ZBTB21: variants seen among roughly 807,000 people sequenced by gnomAD.
ZBTB21 encodes the protein zinc finger and BTB domain-containing protein 21.
In ZBTB21, 10 loss-of-function variants were observed where a neutral mutation model predicts 39.8. The ratio of observed to expected loss-of-function variants is 0.25; its 90% CI spans 0.16 to 0.43. The LOEUF (loss-of-function observed/expected upper bound fraction) is 0.43, where lower values mean the gene tolerates loss of function less well. ZBTB21 is among the 20% of genes least tolerant of loss of function. The pLI is 1.00. For missense variants in ZBTB21, 1,221 were observed against 1,296.3 expected (o/e 0.94, Z 0.89); for synonymous variants, 551 against 498.8 (o/e 1.10, Z -1.40).
rs920554378 is a variant in ZBTB21, at chr21:41,991,989, C to T, written c.2107G>A (p.Val703Ile). 2 of 1,614,164 alleles carry T rather than the reference C, an allele frequency of 1.2e-6. No individual in the cohort carries two copies. The highest frequency in any genetic ancestry group is 2.2e-5 in the South Asian group (2 of 91,080). The part of the protein sequence containing the change: ...PGEKPLGVNK[V>I]AKPKEHAPLA... ...GGAGCATGCTCTTTTGGTTTAGCAA[C>T]TTTATTTACTCCAAGGGGTTTTTCT... is the stretch of plus-strand genomic sequence containing the variant. The change falls in exon 3 of 3, where the codon GTT becomes ATT. Residue 703 changes from valine (V) to isoleucine (I), a missense_variant. Transcript: ENST00000310826. The surrounding 1 kb of genome is among the most constrained non-coding windows in gnomAD (Gnocchi z 4.9).
In ZBTB21 at chr21:41,994,045, T is replaced by C. The variant is rs751253846; in HGVS notation, c.51A>G (p.Leu17=). The C allele has an allele frequency of 1.9e-6, 3 of 1,613,830 alleles. No individual in the cohort carries two copies. In the Admixed American group the frequency reaches 5.0e-5, roughly 27 times the overall value. The part of the protein sequence containing the change: ...YINPAHAISL[L]SALNEERLKG... ...TGAGACGCTCCTCATTCAGGGCACTTAGGAGAGAAATGGCGTGTGCAGGGT... is the reference window on the plus strand; with the variant it reads ...TGAGACGCTCCTCATTCAGGGCACTCAGGAGAGAAATGGCGTGTGCAGGGT... The change falls in exon 3 of 3, where the codon CTA becomes CTG. Residue 17 remains leucine (L), a synonymous_variant. Coordinates refer to ENST00000310826, the MANE Select transcript of ZBTB21 (RefSeq NM_001098402.2).
At position 41,993,362 on chromosome 21, in the gene ZBTB21, G is replaced by C. The variant is rs1569106160; in HGVS notation, c.734C>G (p.Pro245Arg). Reference sequence around the variant, plus strand: ...ATCCATAGCTTCTCTGTCTTGCAGAGGCTTTGAAGGCAACACTGCATTTCT... The same window carrying C: ...ATCCATAGCTTCTCTGTCTTGCAGACGCTTTGAAGGCAACACTGCATTTCT... ...VKRNAVLPSK[P>R]LQDREAMDDK... The change falls in exon 3 of 3, where the codon CCT becomes CGT. Residue 245 changes from proline to arginine, a missense_variant. By Grantham distance (103) the Pro-to-Arg change is moderately radical. Coordinates refer to ENST00000310826, the MANE Select transcript of ZBTB21 (RefSeq NM_001098402.2). The C allele has an allele frequency of 6.2e-7, 1 of 1,614,012 alleles. No individual in the cohort carries two copies. Among genetic ancestry groups the C allele is most frequent in the Admixed American group, 1.7e-5 (1 of 60,012 alleles).
chr21:41,997,226 G>A (rs2065758588), intron 2 of ZBTB21, among the ~76,000 whole-genome samples: 2 of 152,164 alleles, frequency 1.3e-5, no homozygotes, highest in Non-Finnish European at 2.9e-5. Flanking sequence ...CTGGCCAAGA[G>A]ACCTTTAAAA....
In ZBTB21 at chr21:41,987,438, G is replaced by C. The variant is rs1004305438; in HGVS notation, c.*3457C>G. On this transcript the variant is annotated 3_prime_UTR_variant, in exon 3 of 3. Transcript: ENST00000310826. Reference sequence around the variant, plus strand: ...TCTTAAAGTGCTAAAACCACAAAAAGCCATAAATGAAAACCTATTTTTTAA... The same window carrying C: ...TCTTAAAGTGCTAAAACCACAAAAACCCATAAATGAAAACCTATTTTTTAA... The C allele has an allele frequency of 1.3e-5, 2 of 152,130 alleles. No homozygotes were observed. Among genetic ancestry groups the C allele is most frequent in the Non-Finnish European group, 1.5e-5 (1 of 68,018 alleles). 9.4% of individuals were successfully genotyped at this position (152,130 alleles called of 1,614,324 possible).
At chr21:42,007,409 C>G (rs1453120814) in intron 1 of ZBTB21, among the ~76,000 whole-genome samples, 1 of 152,228 alleles carries the variant, frequency 6.6e-6, no homozygotes, top group East Asian at 1.9e-4. Flanking sequence ...TTTTCATACT[C>G]TGGTTACAAT....
chr21:41,992,033 T>C lies in ZBTB21; in HGVS notation c.2063A>G (p.His688Arg), dbSNP rs2065667354. ...AYRFLSQFKQ[H>R]IKMHPGEKPL... ...TTTTTCTCCTGGATGCATTTTTATA[T>C]GCTGCTTAAATTGAGAGAGAAAGCG... The change falls in exon 3 of 3, where the codon CAT (histidine) becomes CGT (arginine). Residue 688 changes from histidine to arginine, a missense_variant. His to Arg is a conservative substitution (Grantham distance 29). Transcript: ENST00000310826. This position sits in a 1 kb window ranked among gnomAD's most constrained non-coding sequence, Gnocchi z 4.1. The C allele has an allele frequency of 1.2e-6, 2 of 1,614,262 alleles. No homozygotes were observed. Among genetic ancestry groups the C allele is most frequent in the Non-Finnish European group, 1.7e-6 (2 of 1,180,060 alleles).
intron 2 of ZBTB21, among the ~76,000 whole-genome samples, chr21:42,000,776 A>G (rs2146320828): frequency 6.6e-6 from 1 of 152,324 alleles, no homozygotes; most frequent in Non-Finnish European, 1.5e-5. Flanking sequence ...GTTAAGTTGT[A>G]AGAGAAATAC....
chr21:41,991,703 T>C lies in ZBTB21; in HGVS notation c.2393A>G (p.His798Arg), dbSNP rs1335114617. The change falls in exon 3 of 3, where the codon CAT becomes CGT. Residue 798 changes from histidine to arginine, a missense_variant. By Grantham distance (29) the His-to-Arg change is conservative. This residue lies in a region of ZBTB21 where 523 missense variants were observed against 542.5 expected (regional missense o/e 0.96). Coordinates refer to ENST00000310826, the MANE Select transcript of ZBTB21 (RefSeq NM_001098402.2). The surrounding 1 kb of genome is among the most constrained non-coding windows in gnomAD (Gnocchi z 4.9). ...GGTGGGTGCCATGTTGTTCTGATTA[T>C]GGACTTCAACCTGGTGCCGCCAGAT... ...FSIWRHQVEV[H>R]NQNNMAPTEN... 2 of 1,614,124 alleles carry C rather than the reference T, an allele frequency of 1.2e-6. No homozygotes were observed. The highest frequency in any genetic ancestry group is 1.7e-6 in the Non-Finnish European group (2 of 1,180,042).
At position 41,987,219 on chromosome 21, in the gene ZBTB21, T is replaced by C. The variant is rs1199510278; in HGVS notation, c.*3676A>G. Reference sequence around the variant, plus strand: ...ATTCTGTTATTTTAAAGATTTACAGTAAAATACTTTGGTTCCCAAAAGACT... The same window carrying C: ...ATTCTGTTATTTTAAAGATTTACAGCAAAATACTTTGGTTCCCAAAAGACT... On this transcript the variant is annotated 3_prime_UTR_variant, in exon 3 of 3. Coordinates refer to ENST00000310826, the MANE Select transcript of ZBTB21 (RefSeq NM_001098402.2). 6.6e-6 allele frequency: 1 copy of C among 152,182 alleles called. No homozygotes were observed. The highest frequency in any genetic ancestry group is 1.5e-5 in the Non-Finnish European group (1 of 68,008). The allele number at this position is 152,182 out of a possible 1,614,324, so 9.4% of individuals were successfully genotyped here.
chr21:41,995,601 G>T (rs1456844593), intron 2 of ZBTB21, among the ~76,000 whole-genome samples: 1 of 152,232 alleles, frequency 6.6e-6, no homozygotes, highest in South Asian at 2.1e-4. Context: ...CGATAGAAAA[G>T]AAAATCCCAT....
intron 2 of ZBTB21, among the ~76,000 whole-genome samples, chr21:41,994,821 C>T (rs368605441): frequency 6.6e-5 from 10 of 151,854 alleles, no homozygotes; most frequent in South Asian, 6.2e-4. Flanking sequence ...ACAATTCCCA[C>T]GTCGTGGGAG....
chr21:41,998,471 G>A (rs970166801), intron 2 of ZBTB21, among the ~76,000 whole-genome samples: 3 of 152,188 alleles, frequency 2.0e-5, no homozygotes, highest in Non-Finnish European at 2.9e-5. Flanking sequence ...GATTACAGGT[G>A]TGAGCCACCA....
In ZBTB21 at chr21:41,991,059, G is replaced by C. The variant is rs758869396; in HGVS notation, c.3037C>G (p.Pro1013Ala). ...GGCACAAACAGTTTTTCTGTGGCTG[G>C]AGTTGGGTTTTCGGACAGGCCTGTG... Reference protein sequence around the residue: ...SPTGLSENPTPATEKLFVPQE... With the variant: ...SPTGLSENPTAATEKLFVPQE... Residue 1013 changes from proline (P) to alanine (A), a missense_variant, in exon 3 of 3, where the codon CCA becomes GCA. Pro to Ala is a conservative substitution (Grantham distance 27). Coordinates refer to ENST00000310826, the MANE Select transcript of ZBTB21 (RefSeq NM_001098402.2). This position sits in a 1 kb window ranked among gnomAD's most constrained non-coding sequence, Gnocchi z 4.9. 10 of 1,593,658 alleles carry C rather than the reference G, an allele frequency of 6.3e-6. No individual in the cohort carries two copies. The highest frequency in any genetic ancestry group is 1.3e-5 in the African/African-American group (1 of 74,108).
In ZBTB21 at chr21:41,986,973, C is replaced by T. The variant is rs377223956; in HGVS notation, c.*3922G>A. The T allele has an allele frequency of 2.0e-4, 30 of 152,628 alleles. No individual in the cohort carries two copies. Among genetic ancestry groups the T allele is most frequent in the East Asian group, 1.4e-3 (7 of 5,178 alleles). The allele number at this position is 152,628 out of a possible 1,614,324, so 9.5% of individuals were successfully genotyped here. On this transcript the variant is annotated 3_prime_UTR_variant, in exon 3 of 3. Coordinates refer to ENST00000310826, the MANE Select transcript of ZBTB21 (RefSeq NM_001098402.2). ...CCTATTTTACCATGAATTTTCAGTT[C>T]GAAAAAGCTTATTCCTAAGTAAAAT...
Position 41,992,007 on chromosome 21 carries a change from G to T in ZBTB21, c.2089C>A (p.Pro697Thr). 1 of 1,614,178 alleles carries T rather than the reference G, an allele frequency of 6.2e-7. No homozygotes were observed. Among genetic ancestry groups the T allele is most frequent in the South Asian group, 1.1e-5 (1 of 91,082 alleles). ...QHIKMHPGEK[P>T]LGVNKVAKPK... The stretch of plus-strand genomic sequence containing the variant: ...TTAGCAACTTTATTTACTCCAAGGG[G>T]TTTTTCTCCTGGATGCATTTTTATA... The change falls in exon 3 of 3, where the codon CCC becomes ACC. Residue 697 changes from proline to threonine, a missense_variant. This residue lies in a region of ZBTB21 where 523 missense variants were observed against 542.5 expected (regional missense o/e 0.96). Transcript: ENST00000310826. The surrounding 1 kb of genome is among the most constrained non-coding windows in gnomAD (Gnocchi z 4.1).
At position 41,991,268 on chromosome 21, in the gene ZBTB21, T is replaced by C. The variant is rs781245566; in HGVS notation, c.2828A>G (p.Asn943Ser). Residue 943 changes from asparagine to serine, a missense_variant, in exon 3 of 3, where the codon AAC becomes AGC. Transcript: ENST00000310826. This position sits in a 1 kb window ranked among gnomAD's most constrained non-coding sequence, Gnocchi z 4.9. ...SVKPFICHVC[N>S]KAFRTNFRLW... ...TCGAAAATTAGTGCGAAAAGCTTTG[T>C]TGCACACGTGACAAATAAATGGTTT... The C allele has an allele frequency of 1.9e-6, 3 of 1,614,164 alleles. No homozygotes were observed. The highest frequency in any genetic ancestry group is 2.2e-5 in the South Asian group (2 of 91,088).
chr21:42,009,599 T>G (rs2065931742), intron 1 of ZBTB21: 1 of 151,284 alleles, frequency 6.6e-6, no homozygotes. Context: ...GCGGGGGCTC[T>G]GGAGGAAAAA....
chr21:42,006,178 G>A (rs1303994210), intron 1 of ZBTB21, among the ~76,000 whole-genome samples: 1 of 152,188 alleles, frequency 6.6e-6, no homozygotes, highest in East Asian at 1.9e-4. Flanking sequence ...ACTTTGGGAA[G>A]CCAAGGCGGG....
chr21:41,997,575 C>CAAAAAAAAAAAAACA (rs2065764079), intron 2 of ZBTB21, among the ~76,000 whole-genome samples: 4 of 117,840 alleles, frequency 3.4e-5, no homozygotes, highest in Non-Finnish European at 7.3e-5. Context: ...GACGTTGTCT[C>CAAAAAAAAAAAAACA]AAAAAAAAAA....
Sources: gnomAD v4.1 joint callset for allele counts (sites outside exome capture counted in the v4.1 genomes callset) on GRCh38, gnomAD v4.1.1 for gene constraint, gnomAD v4.1.1 regional missense constraint, Gnocchi (gnomAD v3.1) non-coding constraint, MANE v1.5 for transcripts, NCBI Gene and HGNC (gene_info 2026-07-23, HGNC 2026-07-21) for gene names.